Variants in DNAJB1 observed in about 807,000 individuals in gnomAD.
DNAJB1 encodes DnaJ heat shock protein family (Hsp40) member B1.
Under a neutral mutation model 24.0 loss-of-function variants are expected in DNAJB1, and 14 were observed. The observed-to-expected ratio is 0.58, with a 90% CI of 0.39 to 0.91. DNAJB1 has a LOEUF of 0.91. Ranked by LOEUF, DNAJB1 falls within the 40% of genes least tolerant of loss-of-function variation. DNAJB1 has a pLI of 0.00. For synonymous variants in DNAJB1, 262 were observed against 174.4 expected, an observed-to-expected ratio of 1.50 and a Z score of -3.96; for missense variants, 517 against 458.1, an observed-to-expected ratio of 1.13 and a Z score of -1.17.
chr19:14,546,582 G>T (rs1418687560), intron 1 of DNAJB1, among the ~76,000 whole-genome samples: 2 of 152,174 alleles, frequency 1.3e-5, no homozygotes, highest in Non-Finnish European at 2.9e-5. Context: ...CAGAAACAGG[G>T]CTCTCACTAT....
At chr19:14,525,149 C>T (rs1235898657) in intron 2 of DNAJB1, among the ~76,000 whole-genome samples, 1 of 151,968 alleles carries the variant, frequency 6.6e-6, no homozygotes, top group African/African-American at 2.4e-5. Flanking sequence ...AGGAGAATCG[C>T]TTGAACCCAG....
chr19:14,516,309 C>G lies in DNAJB1; in HGVS notation c.793-139G>C, dbSNP rs1277488499. Reference sequence around the variant, plus strand: ...CCCCCAAATCTACACGTCCCCACCACGAAAGCTCCACAACAGCGCCCTGGT... The same window carrying G: ...CCCCCAAATCTACACGTCCCCACCAGGAAAGCTCCACAACAGCGCCCTGGT... On this transcript the variant is annotated intron_variant, in intron 2 of 2. Coordinates refer to ENST00000254322, the MANE Select transcript of DNAJB1 (RefSeq NM_006145.3). 13 of 1,273,780 alleles carry G rather than the reference C, an allele frequency of 1.0e-5. No individual in the cohort carries two copies. In the South Asian group the frequency reaches 1.6e-4, roughly 16 times the overall value. 78.9% of individuals were successfully genotyped at this position (1,273,780 alleles called of 1,614,324 possible). A position where few individuals can be genotyped will look rare whatever the true frequency, so the allele number is the denominator to read the frequency against.
At chr19:14,540,870 TCTTG>T in intron 1 of DNAJB1, among the ~76,000 whole-genome samples, 1 of 152,192 alleles carries the variant, frequency 6.6e-6, no homozygotes, top group East Asian at 1.9e-4. Flanking sequence ...GGAGTTTTGC[TCTTG>T]CCCAGGCTGG....
chr19:14,543,402 T>G (rs2073170905), intron 1 of DNAJB1, among the ~76,000 whole-genome samples: 1 of 9,044 alleles, frequency 1.1e-4, no homozygotes, highest in Non-Finnish European at 3.0e-4. Context: ...TATATATATA[T>G]ATATATATAT....
chr19:14,516,910 A>C lies in DNAJB1; in HGVS notation c.348T>G (p.Phe116Leu). 2 of 1,613,900 alleles carry C rather than the reference A, an allele frequency of 1.2e-6. No homozygotes were observed. The change falls in exon 2 of 3, where the codon TTT becomes TTG. Residue 116 changes from phenylalanine to leucine, a missense_variant. Physicochemically the swap from Phe to Leu is conservative, Grantham distance 22. Coordinates refer to ENST00000254322, the MANE Select transcript of DNAJB1 (RefSeq NM_006145.3). ...TGCCTTCCTCCCCGTTCCGCTGCCCAAAAAAGGTGTCAAAGGGATTTCTGC... is the reference window on the plus strand; with the variant it reads ...TGCCTTCCTCCCCGTTCCGCTGCCCCAAAAAGGTGTCAAAGGGATTTCTGC... ...FGGRNPFDTFFGQRNGEEGMD... is the reference protein window; with the variant it reads ...FGGRNPFDTFLGQRNGEEGMD...
chr19:14,522,725 C>CACACACACAG (rs2072376826), upstream of DNAJB1, among the ~76,000 whole-genome samples: 1 of 150,816 alleles, frequency 6.6e-6, no homozygotes. Flanking sequence ...CACACACACA[C>CACACACACAG]ACACACTCCT....
Position 14,547,262 on chromosome 19 carries a change from G to A in DNAJB1, c.-214+2946C>T, listed in dbSNP as rs147355921. Among the ~76,000 whole-genome samples, 1,009 of 152,308 alleles carry A rather than the reference G, an allele frequency of 6.6e-3. 15 individuals carry two copies. The highest frequency in any genetic ancestry group is 0.023 in the African/African-American group (944 of 41,568). On this transcript the variant is annotated intron_variant, in intron 1 of 3. Coordinates refer to the DNAJB1 transcript ENST00000676982. ...TTATGTAAAATTTTTAATACCGACA[G>A]TAGGCCAGAAATGACATCTTTTGCA... is the stretch of plus-strand genomic sequence containing the variant.
upstream of DNAJB1, among the ~76,000 whole-genome samples, chr19:14,522,705 C>CACACAA (rs2072376277): frequency 6.6e-6 from 1 of 151,346 alleles, no homozygotes; most frequent in African/African-American, 2.4e-5. Flanking sequence ...CACACACACA[C>CACACAA]ACACACACAC....
upstream of DNAJB1, among the ~76,000 whole-genome samples, chr19:14,554,513 C>G (rs1259881832): frequency 6.6e-6 from 1 of 152,184 alleles, no homozygotes; most frequent in African/African-American, 2.4e-5. Context: ...CGGGAGAGGA[C>G]TGGGAAGCAC....
Position 14,516,079 on chromosome 19 carries a change from C to T in DNAJB1, c.884G>A (p.Arg295Gln), listed in dbSNP as rs778737677. ...FKDVIRPGMR[R>Q]KVPGEGLPLP... ...GGGGAGGCCTTCTCCAGGAACTTTT[C>T]GCCGCATGCCAGGCCTGATAACATC... Residue 295 changes from arginine (R) to glutamine (Q), a missense_variant, in exon 3 of 3, where the codon CGA becomes CAA. Coordinates refer to ENST00000254322, the MANE Select transcript of DNAJB1 (RefSeq NM_006145.3). The T allele has an allele frequency of 2.4e-5, 38 of 1,613,808 alleles. 1 individual carries two copies. Among genetic ancestry groups the T allele is most frequent in the South Asian group, 8.8e-5 (8 of 91,062 alleles).
At chr19:14,541,943 C>T (rs2146576065) in intron 1 of DNAJB1, among the ~76,000 whole-genome samples, 1 of 152,180 alleles carries the variant, frequency 6.6e-6, no homozygotes, top group South Asian at 2.1e-4. Flanking sequence ...TGCCACCACG[C>T]CTGGCGTATT....
chr19:14,518,482 C>T (rs2072319496), upstream of DNAJB1: 9 of 650,846 alleles, frequency 1.4e-5, no homozygotes, highest in Non-Finnish European at 1.9e-5. Context: ...TTCCGCCCCG[C>T]CCGCCCCCGC....
In DNAJB1 at chr19:14,518,130, A is replaced by G; in HGVS notation, c.211+9T>C. 1 of 1,513,184 alleles carries G rather than the reference A, an allele frequency of 6.6e-7. No individual in the cohort carries two copies. Among genetic ancestry groups the G allele is most frequent in the South Asian group, 1.2e-5 (1 of 80,370 alleles). The allele number at this position is 1,513,184 out of a possible 1,614,324, so 93.7% of individuals were successfully genotyped here. ...AGGCGGGGCCGCGCCCCTGGCCGCGAGCACACACCTTCCTCCCCGTAGCGG... is the reference window on the plus strand; with the variant it reads ...AGGCGGGGCCGCGCCCCTGGCCGCGGGCACACACCTTCCTCCCCGTAGCGG... On this transcript the variant is annotated intron_variant, in intron 1 of 2. Transcript: ENST00000254322.
chr19:14,519,248 A>C (rs2072334856), upstream of DNAJB1, among the ~76,000 whole-genome samples: 1 of 152,198 alleles, frequency 6.6e-6, no homozygotes, highest in Admixed American at 6.5e-5. Flanking sequence ...ACGAACCTGT[A>C]ATCCCAGCTA....
At chr19:14,535,907 T>A (rs919928972) in intron 1 of DNAJB1, among the ~76,000 whole-genome samples, 1 of 152,036 alleles carries the variant, frequency 6.6e-6, no homozygotes, top group Non-Finnish European at 1.5e-5. Flanking sequence ...GGCTTCTTGC[T>A]TTGAGCAGAT....
chr19:14,535,151 T>A (rs1484874299), intron 1 of DNAJB1, among the ~76,000 whole-genome samples: 3 of 151,858 alleles, frequency 2.0e-5, no homozygotes, highest in African/African-American at 7.3e-5. Context: ...GGCAGGAGGA[T>A]CACCTGAGGT....
intron 1 of DNAJB1, among the ~76,000 whole-genome samples, chr19:14,546,205 A>G (rs1380388755): frequency 1.3e-5 from 2 of 151,886 alleles, no homozygotes; most frequent in Admixed American, 6.6e-5. Flanking sequence ...CATTACAGAC[A>G]TTTCCGATCA....
At chr19:14,541,177 C>T (rs550790259) in intron 1 of DNAJB1, among the ~76,000 whole-genome samples, 4 of 151,814 alleles carry the variant, frequency 2.6e-5, no homozygotes, top group Admixed American at 6.6e-5. Context: ...GCAGTCTCAC[C>T]GTGTTGCCCA....
upstream of DNAJB1, among the ~76,000 whole-genome samples, chr19:14,550,587 A>G (rs78898315): frequency 3.9e-4 from 59 of 152,242 alleles, no homozygotes; most frequent in African/African-American, 1.3e-3. Flanking sequence ...GTTCTGGACC[A>G]TCCCCTGGGG....
Sources: allele counts gnomAD v4.1 joint callset (sites outside exome capture counted in the v4.1 genomes callset), GRCh38; gene constraint gnomAD v4.1.1; transcripts MANE v1.5; gene names NCBI Gene and HGNC (gene_info 2026-07-23, HGNC 2026-07-21).